Variants in HEXA observed in about 807,000 individuals in gnomAD.
The protein encoded by HEXA is beta-hexosaminidase subunit alpha.
A neutral mutation model predicts 73.3 loss-of-function variants in HEXA; 54 were observed. That is an observed-to-expected ratio of 0.74 (90% CI 0.59 to 0.92). The LOEUF (loss-of-function observed/expected upper bound fraction) is 0.92, where lower values mean the gene tolerates loss of function less well. Ranked by LOEUF, HEXA falls within the 40% of genes least tolerant of loss-of-function variation. The probability of loss-of-function intolerance (pLI) is 0.00; values close to 1 mark genes in which losing one functional copy is unlikely to be tolerated. For missense variants in HEXA, 649 were observed against 653.0 expected, an observed-to-expected ratio of 0.99 and a Z score of 0.07; for synonymous variants, 230 against 246.9, an observed-to-expected ratio of 0.93 and a Z score of 0.64.
chr15:72,364,689 T>C (rs2140335204), intron 1 of HEXA, among the ~76,000 whole-genome samples: 1 of 152,292 alleles, frequency 6.6e-6, no homozygotes, highest in Admixed American at 6.5e-5. Flanking sequence ...TCCACATATA[T>C]GGGCCCATCT....
intron 5 of HEXA, 144 bp downstream of exon 5, chr15:72,352,924 A>G (rs2088719478): frequency 1.5e-6 from 1 of 667,082 alleles, no homozygotes; most frequent in Non-Finnish European, 2.8e-6. Context: ...TCGGCCTCCC[A>G]AAGTGTTGGG....
chr15:72,356,352 G>T (rs1302391014), intron 2 of HEXA, among the ~76,000 whole-genome samples, 173 bp downstream of exon 2: 1 of 152,188 alleles, frequency 6.6e-6, no homozygotes, highest in African/African-American at 2.4e-5. Flanking sequence ...CACTGGTTAA[G>T]TTTCTGCATA....
intron 1 of HEXA, among the ~76,000 whole-genome samples, chr15:72,360,846 T>C (rs2088843362): frequency 6.6e-6 from 1 of 152,200 alleles, no homozygotes; most frequent in Admixed American, 6.5e-5. Context: ...ATAATACCTA[T>C]ATAATTGGGC....
intron 1 of HEXA, among the ~76,000 whole-genome samples, chr15:72,371,259 C>T (rs2088987655): frequency 6.6e-6 from 1 of 152,174 alleles, no homozygotes; most frequent in African/African-American, 2.4e-5. Context: ...TGGAATCACA[C>T]ACTTACACTC....
intron 2 of HEXA, 72 bp downstream of exon 2, chr15:72,356,453 G>A: frequency 6.4e-7 from 1 of 1,553,582 alleles, no homozygotes; most frequent in Admixed American, 1.7e-5. Flanking sequence ...AGCAGTTTAG[G>A]CCAGGCCATC....
Position 72,346,655 on chromosome 15 carries a change from A to G in HEXA, c.1202T>C (p.Met401Thr). Residue 401 changes from methionine to threonine, a missense_variant, in exon 11 of 14, where the codon ATG (methionine) becomes ACG (threonine). Physicochemically the swap from Met to Thr is moderately conservative, Grantham distance 81. Transcript: ENST00000268097. The part of the protein sequence containing the change: ...VWREDIPVNY[M>T]KELELVTKAG... The stretch of plus-strand genomic sequence containing the variant: ...CTTGGTGACCAGTTCCAGCTCCTTC[A>G]TATAGTTCACTGGAATATCCTCTCG... The G allele has an allele frequency of 6.2e-7, 1 of 1,614,080 alleles. No homozygotes were observed. The highest frequency in any genetic ancestry group is 1.7e-5 in the Admixed American group (1 of 60,020).
chr15:72,353,693 T>C lies in HEXA; in HGVS notation c.457A>G (p.Thr153Ala). 4.3e-6 allele frequency: 7 copies of C among 1,611,272 alleles called. No homozygotes were observed. The highest frequency in any genetic ancestry group is 5.9e-6 in the Non-Finnish European group (7 of 1,177,372). The change falls in exon 4 of 14, where the codon ACA (threonine) becomes GCA (alanine). Residue 153 changes from threonine (T) to alanine (A), a missense_variant and splice_region_variant. Transcript: ENST00000268097. ...CCTTTTTGAGGGTCCACACTTACTG[T>C]GCCCTCAGCAGATTTCCAAACAAGC... is the stretch of plus-strand genomic sequence containing the variant. ...SQLVWKSAEG[T>A]FFINKTEIED...
chr15:72,348,166 T>G, intron 8 of HEXA, 32 bp from the exon 9 acceptor site: 1 of 1,472,590 alleles, frequency 6.8e-7, no homozygotes, highest in Non-Finnish European at 9.5e-7. Flanking sequence ...AGATTAATCT[T>G]TCAACATCCT....
chr15:72,364,495 G>A (rs2088891449), intron 1 of HEXA, among the ~76,000 whole-genome samples: 1 of 151,970 alleles, frequency 6.6e-6, no homozygotes, highest in Admixed American at 6.6e-5. Context: ...ATGTTTCTAA[G>A]TTTTTAGTAT....
chr15:72,370,459 G>A (rs1341638575), intron 1 of HEXA: 6 of 394,082 alleles, frequency 1.5e-5, no homozygotes, highest in Non-Finnish European at 2.7e-5. Context: ...GGGAGGCCGA[G>A]ACAAGAGGAT....
chr15:72,373,513 C>A (rs1420236274), intron 1 of HEXA, among the ~76,000 whole-genome samples: 1 of 152,144 alleles, frequency 6.6e-6, no homozygotes, highest in East Asian at 1.9e-4. Context: ...TGGACAAGAA[C>A]CCTCAACTAA....
At position 72,348,222 on chromosome 15, in the gene HEXA, C is replaced by T. The variant is rs74949863; in HGVS notation, c.987-88G>A. 0.051 allele frequency: 43,069 copies of T among 847,698 alleles called. 1,421 individuals carry two copies. The highest frequency in any genetic ancestry group is 0.15 in the East Asian group (5,975 of 40,720). The allele number at this position is 847,698 out of a possible 1,614,324, so 52.5% of individuals were successfully genotyped here. A position where few individuals can be genotyped will look rare whatever the true frequency, so the allele number is the denominator to read the frequency against. On this transcript the variant is annotated intron_variant, in intron 8 of 13. Transcript: ENST00000268097. ...TTAGTCACCTGGCCCCCTATAACTT[C>T]CTCTTTTCACCTGAAAAATCAAATA...
intron 1 of HEXA, among the ~76,000 whole-genome samples, chr15:72,364,400 C>G (rs2088890348): frequency 6.6e-6 from 1 of 152,098 alleles, no homozygotes; most frequent in African/African-American, 2.4e-5. Context: ...AGATTTACAT[C>G]CTTCTTGTAA....
intron 10 of HEXA, 63 bp from the exon 11 acceptor site, chr15:72,346,773 A>G: frequency 1.4e-6 from 2 of 1,476,404 alleles, no homozygotes; most frequent in Non-Finnish European, 1.9e-6. Flanking sequence ...GGCCTTATTC[A>G]TACACAGGCA....
intron 1 of HEXA, among the ~76,000 whole-genome samples, chr15:72,373,206 T>C (rs969888557): frequency 2.0e-5 from 3 of 152,214 alleles, no homozygotes; most frequent in African/African-American, 4.8e-5. Context: ...AGGAAGAGGA[T>C]GGAAATCTGT....
At position 72,349,180 on chromosome 15, in the gene HEXA, A is replaced by T; in HGVS notation, c.885T>A (p.Asn295Lys). ...GTFGPVNPSLNNTYEFMSTFF... is the reference protein window; with the variant it reads ...GTFGPVNPSLKNTYEFMSTFF... Reference sequence around the variant, plus strand: ...ATGTGCTCATGAACTCATAGGTATTATTGAGACTGGGATTCACTGGTCCAA... The same window carrying T: ...ATGTGCTCATGAACTCATAGGTATTTTTGAGACTGGGATTCACTGGTCCAA... Residue 295 changes from asparagine (N) to lysine (K), a missense_variant, in exon 8 of 14, where the codon AAT becomes AAA. By Grantham distance (94) the Asn-to-Lys change is moderately conservative. Transcript: ENST00000268097. 2 of 1,613,758 alleles carry T rather than the reference A, an allele frequency of 1.2e-6. No homozygotes were observed. Among genetic ancestry groups the T allele is most frequent in the Non-Finnish European group, 1.7e-6 (2 of 1,179,612 alleles).
At chr15:72,356,783 C>T (rs1012135066) in intron 1 of HEXA, 166 bp from the exon 2 acceptor site, 18 of 1,020,368 alleles carry the variant, frequency 1.8e-5, no homozygotes, top group Admixed American at 2.0e-5. Context: ...GTTCAGCTGT[C>T]TCACTCTCGT....
intron 1 of HEXA, among the ~76,000 whole-genome samples, chr15:72,369,623 C>T (rs767919018): frequency 6.6e-6 from 1 of 152,178 alleles, no homozygotes; most frequent in South Asian, 2.1e-4. Context: ...CTGCAACCTC[C>T]ACCTCCTGAG....
Position 72,346,920 on chromosome 15 carries a change from TC to T in HEXA, c.1147-211del. ...CTAAGAGGCCTCCCTGCAGCTCTCC[TC>T]CCCGTCCCTCTGCAGCCTCCCTGTC... On this transcript the variant is annotated intron_variant, in intron 10 of 13. Coordinates refer to ENST00000268097, the MANE Select transcript of HEXA (RefSeq NM_000520.6). 5.1e-6 allele frequency: 3 copies of T among 584,036 alleles called. No individual in the cohort carries two copies. In the South Asian group the frequency reaches 5.5e-5, roughly 11 times the overall value. The allele number at this position is 584,036 out of a possible 1,614,324, so 36.2% of individuals were successfully genotyped here.
Sources: allele counts gnomAD v4.1 joint callset (sites outside exome capture counted in the v4.1 genomes callset), GRCh38; gene constraint gnomAD v4.1.1; transcripts MANE v1.5; gene names NCBI Gene and HGNC (gene_info 2026-07-23, HGNC 2026-07-21).